The following TRARG1 variants were observed in gnomAD, a reference collection of about 807,000 sequenced individuals.
TRARG1 encodes the protein trafficking regulator of GLUT4 1.
Under a neutral mutation model 13.3 loss-of-function variants are expected in TRARG1, and 16 were observed. The observed-to-expected ratio is 1.20, with a 90% CI of 0.81 to 1.83. TRARG1 has a LOEUF of 1.83. Ranked by LOEUF, TRARG1 falls within the 40% of genes most tolerant of loss-of-function variation. The probability of loss-of-function intolerance (pLI) is 0.00; values close to 1 mark genes in which losing one functional copy is unlikely to be tolerated. For synonymous variants in TRARG1, 113 were observed against 106.2 expected (o/e 1.06, Z -0.39); for missense variants, 250 against 237.4 (o/e 1.05, Z -0.35).
intron 1 of TRARG1, among the ~76,000 whole-genome samples, chr17:1,281,531 T>A (rs998015225): frequency 6.6e-6 from 1 of 152,134 alleles, no homozygotes; most frequent in African/African-American, 2.4e-5. Context: ...CCAAAGCCAG[T>A]ACTACCTTTC....
Position 1,295,602 on chromosome 17 carries a change from G to A in TRARG1, c.499G>A (p.Ala167Thr), listed in dbSNP as rs376944339. ...CATGGGCATCGTCATTATCATGGTG[G>A]CCGTGACCGTCAACTTCACAGGTGA... is the stretch of plus-strand genomic sequence containing the variant. The part of the protein sequence containing the change: ...IIMGIVIIMV[A>T]VTVNFTVQKK The change falls in exon 2 of 3, where the codon GCC becomes ACC. Residue 167 changes from alanine to threonine, a missense_variant. Transcript: ENST00000333813. 7 of 1,612,364 alleles carry A rather than the reference G, an allele frequency of 4.3e-6. No individual in the cohort carries two copies. The highest frequency in any genetic ancestry group is 5.9e-6 in the Non-Finnish European group (7 of 1,179,500).
chr17:1,293,553 TTGA>T (rs1399373789), intron 1 of TRARG1, among the ~76,000 whole-genome samples: 13 of 74,620 alleles, frequency 1.7e-4, no homozygotes, highest in Admixed American at 2.8e-4. Flanking sequence ...CGAGTTGAGT[TTGA>T]TGATGTCGTG....
At chr17:1,297,056 T>A (rs2072117231) in intron 2 of TRARG1, among the ~76,000 whole-genome samples, 1 of 152,168 alleles carries the variant, frequency 6.6e-6, no homozygotes, top group South Asian at 2.1e-4. Flanking sequence ...CTTCCTTTCA[T>A]ACACGTACAT....
intron 1 of TRARG1, 112 bp downstream of exon 1, chr17:1,280,500 G>A: frequency 8.1e-7 from 1 of 1,228,378 alleles, no homozygotes; most frequent in African/African-American, 1.5e-5. Context: ...AGAGCTGGGA[G>A]TGGGGGGCTT....
chr17:1,297,535 T>C (rs1052930481), intron 2 of TRARG1, among the ~76,000 whole-genome samples: 3 of 151,062 alleles, frequency 2.0e-5, no homozygotes, highest in African/African-American at 4.9e-5. Context: ...TTAGCCTCCG[T>C]CTCACCAAAT....
intron 1 of TRARG1, among the ~76,000 whole-genome samples, chr17:1,293,490 A>G (rs12949319): frequency 0.46 from 60,066 of 131,830 alleles, 16,255 homozygotes; most frequent in African/African-American, 0.6. Flanking sequence ...GTTGAGTTTG[A>G]TGATGTCGTG....
chr17:1,280,785 G>A (rs569658157), intron 1 of TRARG1, among the ~76,000 whole-genome samples: 221 of 152,302 alleles, frequency 1.5e-3, no homozygotes, highest in African/African-American at 5.1e-3. Context: ...AGGTTGCACC[G>A]GACGGGGGTC....
At chr17:1,283,635 C>T (rs2071999222) in intron 1 of TRARG1, among the ~76,000 whole-genome samples, 1 of 151,072 alleles carries the variant, frequency 6.6e-6, no homozygotes, top group Admixed American at 6.6e-5. Context: ...GGTGCAACCC[C>T]ATCTCTACTA....
chr17:1,282,172 A>ATACACGTGCGTATATGTACGTG (rs1306841046), intron 1 of TRARG1, among the ~76,000 whole-genome samples: 21 of 146,440 alleles, frequency 1.4e-4, no homozygotes, highest in Non-Finnish European at 2.1e-4. Flanking sequence ...ATATGTACGT[A>ATACACGTGCGTATATGTACGTG]TACACGTGCG....
chr17:1,290,127 C>A (rs1303612098), intron 1 of TRARG1, among the ~76,000 whole-genome samples: 1 of 152,212 alleles, frequency 6.6e-6, no homozygotes, highest in African/African-American at 2.4e-5. Flanking sequence ...TTCTCTACTT[C>A]CTTCCAGTCT....
chr17:1,281,583 A>T (rs2071972669), intron 1 of TRARG1, among the ~76,000 whole-genome samples: 3 of 152,108 alleles, frequency 2.0e-5, no homozygotes, highest in Non-Finnish European at 4.4e-5. Flanking sequence ...AGTCTGAGGG[A>T]CTTGGCATGG....
Position 1,280,751 on chromosome 17 carries a change from C to T in TRARG1, c.387+363C>T, listed in dbSNP as rs551727092. ...GGGACGGGCGGTCCCAAAGGGTCATCGCCAAGTGGGGCTGTCTCAGCAGAG... is the reference window on the plus strand; with the variant it reads ...GGGACGGGCGGTCCCAAAGGGTCATTGCCAAGTGGGGCTGTCTCAGCAGAG... On this transcript the variant is annotated intron_variant, in intron 1 of 2. Transcript: ENST00000333813. Among the ~76,000 whole-genome samples, 539 of 152,252 alleles carry T rather than the reference C, an allele frequency of 3.5e-3. 1 individual carries two copies. Among genetic ancestry groups the T allele is most frequent in the African/African-American group, 0.012 (506 of 41,538 alleles).
rs879614419 is a variant in TRARG1 at position 1,297,848 on chromosome 17, G to T, written c.521-403G>T. On this transcript the variant is annotated intron_variant, in intron 2 of 2. Transcript: ENST00000333813. ...TCGAACTCCTGACCTCAGGTGATCT[G>T]CCCGCCTCTGCCTCCCAAAGTGCTG... is the stretch of plus-strand genomic sequence containing the variant. 2.0e-5 allele frequency among the ~76,000 whole-genome samples: 3 copies of T among 152,048 alleles called. No individual in the cohort carries two copies. The East Asian group carries it at 5.8e-4, about 29-fold the overall frequency.
At chr17:1,284,661 T>A (rs1188472032) in intron 1 of TRARG1, among the ~76,000 whole-genome samples, 1 of 146,476 alleles carries the variant, frequency 6.8e-6, no homozygotes. Flanking sequence ...CCCCTGTGAA[T>A]GAATGTGCCT....
Position 1,279,848 on chromosome 17 carries a change from C to G in TRARG1, c.-154C>G. 3.5e-6 allele frequency: 3 copies of G among 865,950 alleles called. No individual in the cohort carries two copies. Among genetic ancestry groups the G allele is most frequent in the Non-Finnish European group, 3.4e-6 (2 of 588,140 alleles). The allele number at this position is 865,950 out of a possible 1,614,324, so 53.6% of individuals were successfully genotyped here. A position where few individuals can be genotyped will look rare whatever the true frequency, so the allele number is the denominator to read the frequency against. Reference sequence around the variant, plus strand: ...AGCTGGCTTGAGAAGCTCAGCCCAACCCTTCCAGCACCCAGCCGGCCCTCC... The same window carrying G: ...AGCTGGCTTGAGAAGCTCAGCCCAAGCCTTCCAGCACCCAGCCGGCCCTCC... On this transcript the variant is annotated 5_prime_UTR_variant, in exon 1 of 3. Coordinates refer to ENST00000333813, the MANE Select transcript of TRARG1 (RefSeq NM_172367.3).
rs1270656713 is a variant in TRARG1 at position 1,300,966 on chromosome 17, A to T, written c.*2702A>T. 6.6e-6 allele frequency: 1 copy of T among 152,398 alleles called. No homozygotes were observed. Among genetic ancestry groups the T allele is most frequent in the Non-Finnish European group, 1.5e-5 (1 of 68,196 alleles). 9.4% of individuals were successfully genotyped at this position (152,398 alleles called of 1,614,324 possible). A position where few individuals can be genotyped will look rare whatever the true frequency, so the allele number is the denominator to read the frequency against. ...TGTGTGTCTTAGCATGGAAATAAAT[A>T]AACCTGAATGTACGTGCTCGCCTCT... On this transcript the variant is annotated 3_prime_UTR_variant, in exon 3 of 3. Coordinates refer to ENST00000333813, the MANE Select transcript of TRARG1 (RefSeq NM_172367.3).
Position 1,295,479 on chromosome 17 carries a change from C to T in TRARG1, c.388-12C>T. 6.3e-7 allele frequency: 1 copy of T among 1,594,420 alleles called. No homozygotes were observed. Among genetic ancestry groups the T allele is most frequent in the Non-Finnish European group, 8.5e-7 (1 of 1,170,940 alleles). On this transcript the variant is annotated splice_polypyrimidine_tract_variant and intron_variant, in intron 1 of 2. Transcript: ENST00000333813. ...TCCCGGTTCCCGGGGTCTCTCTGTG[C>T]TCTCTCCGCAGTCTCGAAGCAGCAT... is the stretch of plus-strand genomic sequence containing the variant.
At chr17:1,282,253 TACGTATATGTACATATATGC>T (rs1247915999) in intron 1 of TRARG1, among the ~76,000 whole-genome samples, 4 of 105,460 alleles carry the variant, frequency 3.8e-5, no homozygotes, top group African/African-American at 1.3e-4. Flanking sequence ...CACGTATATG[TACGTATATGTACATATATGC>T]ACGTATATGT....
chr17:1,285,112 G>A (rs1042011673), intron 1 of TRARG1, among the ~76,000 whole-genome samples: 6 of 152,024 alleles, frequency 3.9e-5, no homozygotes, highest in Non-Finnish European at 8.8e-5. Context: ...GCAGGGACTT[G>A]CTTAGGAATT....
Sources: gnomAD v4.1 joint callset for allele counts (sites outside exome capture counted in the v4.1 genomes callset) on GRCh38, gnomAD v4.1.1 for gene constraint, MANE v1.5 for transcripts, NCBI Gene and HGNC (gene_info 2026-07-23, HGNC 2026-07-21) for gene names.